BTAF1: variants seen among roughly 807,000 people sequenced by gnomAD.
The protein encoded by BTAF1 is TATA-binding protein-associated factor 172.
In BTAF1, 38 loss-of-function variants were observed where a neutral mutation model predicts 227.1. That is an observed-to-expected ratio of 0.17 (90% CI 0.13 to 0.22). The LOEUF is 0.22. Among genes scored for constraint, BTAF1 ranks in the 10% least tolerant of loss-of-function variants. BTAF1 has a pLI of 1.00. For missense variants in BTAF1, 1,598 were observed against 2,204.0 expected (o/e 0.73, Z 5.51); for synonymous variants, 742 against 751.9 (o/e 0.99, Z 0.21).
chr10:91,999,901 A>C (rs1849398240), intron 25 of BTAF1, among the ~76,000 whole-genome samples: 1 of 152,216 alleles, frequency 6.6e-6, no homozygotes, highest in Non-Finnish European at 1.5e-5. Flanking sequence ...ATAAAGAAAA[A>C]TAAAGAAATT....
intron 14 of BTAF1, among the ~76,000 whole-genome samples, chr10:91,967,674 C>A (rs1302706160): frequency 6.6e-6 from 1 of 152,146 alleles, no homozygotes; most frequent in African/African-American, 2.4e-5. Flanking sequence ...CTGAGAACAA[C>A]TGTCAGGTTT....
rs77637097 is a variant in BTAF1, at chr10:91,963,018, C to T, written c.1404+340C>T. On this transcript the variant is annotated intron_variant, in intron 12 of 37. Transcript: ENST00000265990. ...TGTTTTTTTAAATCTAGTCTCCCCT[C>T]CCCTCCCTGTCTCTCCTCTCCTCCT... 3.6e-3 allele frequency among the ~76,000 whole-genome samples: 547 copies of T among 151,924 alleles called. 5 individuals carry two copies. Among genetic ancestry groups the T allele is most frequent in the African/African-American group, 0.013 (520 of 41,482 alleles).
chr10:92,023,041 T>C (rs1589997901), intron 34 of BTAF1, among the ~76,000 whole-genome samples: 1 of 152,108 alleles, frequency 6.6e-6, no homozygotes, highest in African/African-American at 2.4e-5. Context: ...GTACCCAAAG[T>C]TTTTACTGGG....
chr10:92,016,610 G>A (rs1251448261), intron 33 of BTAF1, 145 bp downstream of exon 33: 7 of 599,490 alleles, frequency 1.2e-5, no homozygotes, highest in Non-Finnish European at 1.9e-5. Context: ...TGAGTAGCTG[G>A]GAGTAGAGGT....
intron 1 of BTAF1, among the ~76,000 whole-genome samples, chr10:91,927,939 G>A (rs150474047): frequency 1.4e-5 from 2 of 145,566 alleles, no homozygotes; most frequent in East Asian, 4.1e-4. Context: ...ACTATTTCCA[G>A]TGTTTTTCAG....
intron 1 of BTAF1, among the ~76,000 whole-genome samples, chr10:91,929,284 G>A (rs1399844211): frequency 6.6e-6 from 1 of 152,216 alleles, no homozygotes; most frequent in African/African-American, 2.4e-5. Flanking sequence ...ATCAGCTAGA[G>A]AAAGTTTCAG....
chr10:92,018,535 T>C (rs934645254), intron 33 of BTAF1, among the ~76,000 whole-genome samples: 1 of 152,212 alleles, frequency 6.6e-6, no homozygotes, highest in Non-Finnish European at 1.5e-5. Flanking sequence ...AAGCTCATTG[T>C]CTGGTGGGGG....
At position 91,984,062 on chromosome 10, in the gene BTAF1, A is replaced by G. The variant is rs1848238980; in HGVS notation, c.2224-139A>G. 3 of 729,184 alleles carry G rather than the reference A, an allele frequency of 4.1e-6. No individual in the cohort carries two copies. The East Asian group carries it at 8.3e-5, about 20-fold the overall frequency. 45.2% of individuals were successfully genotyped at this position (729,184 alleles called of 1,614,324 possible). A position where few individuals can be genotyped will look rare whatever the true frequency, so the allele number is the denominator to read the frequency against. On this transcript the variant is annotated intron_variant, in intron 18 of 37. Coordinates refer to ENST00000265990, the MANE Select transcript of BTAF1 (RefSeq NM_003972.3). ...TAATACCTTTTTTTCTGTGCAATTA[A>G]CTGTTGTTTGGAGAAGTAACAGAAT...
chr10:92,011,523 T>C (rs1324237282), intron 30 of BTAF1, 108 bp downstream of exon 30: 3 of 432,432 alleles, frequency 6.9e-6, no homozygotes, highest in African/African-American at 2.1e-5. Context: ...AGATTTTTTA[T>C]TGTTGTTATA....
At chr10:91,988,857 G>A (rs989406508) in intron 19 of BTAF1, among the ~76,000 whole-genome samples, 1 of 152,092 alleles carries the variant, frequency 6.6e-6, no homozygotes, top group African/African-American at 2.4e-5. Context: ...AGTATTCTGC[G>A]GGTGTTAAAT....
chr10:92,002,938 T>C (rs1266245396), intron 25 of BTAF1, among the ~76,000 whole-genome samples: 2 of 152,090 alleles, frequency 1.3e-5, no homozygotes, highest in African/African-American at 4.8e-5. Context: ...GGTGGGTGGA[T>C]CACGAGGTCA....
intron 14 of BTAF1, among the ~76,000 whole-genome samples, chr10:91,975,554 G>T (rs1196937595): frequency 6.6e-6 from 1 of 152,156 alleles, no homozygotes; most frequent in African/African-American, 2.4e-5. Flanking sequence ...TCACAATAGG[G>T]TTTCAGAGCA....
intron 20 of BTAF1, among the ~76,000 whole-genome samples, chr10:91,991,809 A>G (rs1189194908): frequency 9.5e-5 from 2 of 21,102 alleles, no homozygotes; most frequent in African/African-American, 7.3e-4. Context: ...ATATATATAT[A>G]TATATATATA....
chr10:92,022,241 G>T (rs977726972), intron 34 of BTAF1, among the ~76,000 whole-genome samples: 3 of 152,182 alleles, frequency 2.0e-5, no homozygotes, highest in Non-Finnish European at 4.4e-5. Flanking sequence ...AGAATGTCTG[G>T]TAAGTATGGT....
chr10:91,992,275 G>A lies in BTAF1; in HGVS notation c.3011G>A (p.Gly1004Glu). The A allele has an allele frequency of 6.2e-7, 1 of 1,611,974 alleles. No homozygotes were observed. The highest frequency in any genetic ancestry group is 8.5e-7 in the Non-Finnish European group (1 of 1,179,480). The part of the protein sequence containing the change: ...VKAQIADLPA[G>E]SSGNILVELD... ...GCTCAAATAGCAGATCTTCCTGCAG[G>A]AAGTAGTGGAAATATTCTTGTTGAA... is the stretch of plus-strand genomic sequence containing the variant. The change falls in exon 21 of 38, where the codon GGA becomes GAA. Residue 1004 changes from glycine (G) to glutamate (E), a missense_variant. Transcript: ENST00000265990.
chr10:91,938,001 A>G (rs1844749531), intron 2 of BTAF1, among the ~76,000 whole-genome samples: 1 of 152,202 alleles, frequency 6.6e-6, no homozygotes, highest in South Asian at 2.1e-4. Flanking sequence ...CATTTCCCTG[A>G]TGACTAATGA....
At chr10:91,996,653 A>G in intron 24 of BTAF1, 83 bp downstream of exon 24, 1 of 1,339,954 alleles carries the variant, frequency 7.5e-7, no homozygotes, top group Non-Finnish European at 1.0e-6. Context: ...ATGTGTTCTA[A>G]TATGCACATA....
At position 91,969,005 on chromosome 10, in the gene BTAF1, C is replaced by A. The variant is rs542556336; in HGVS notation, c.1650+2248C>A. ...CCTCCTGAGTAGCTGAGACTACAAG[C>A]ACGCACCACCATGTCTGGCTAATTA... On this transcript the variant is annotated intron_variant, in intron 14 of 37. Coordinates refer to ENST00000265990, the MANE Select transcript of BTAF1 (RefSeq NM_003972.3). Among the ~76,000 whole-genome samples, 28 of 151,014 alleles carry A rather than the reference C, an allele frequency of 1.9e-4. No individual in the cohort carries two copies. The East Asian group carries it at 5.4e-3, about 29-fold the overall frequency.
At position 92,014,060 on chromosome 10, in the gene BTAF1, G is replaced by T. The variant is rs11819183; in HGVS notation, c.4584+31G>T. 22,163 of 1,593,352 alleles carry T rather than the reference G, an allele frequency of 0.014. 2,662 individuals carry two copies. The African/African-American group carries it at 0.26, about 19-fold the overall frequency. The stretch of plus-strand genomic sequence containing the variant: ...GAATCTCGTGTTTATCATTGTTAGT[G>T]GTATGTTTATTAGCAGATTGTTTTG... On this transcript the variant is annotated intron_variant, in intron 32 of 37. Coordinates refer to ENST00000265990, the MANE Select transcript of BTAF1 (RefSeq NM_003972.3).
Sources: allele counts gnomAD v4.1 joint callset (sites outside exome capture counted in the v4.1 genomes callset), GRCh38; gene constraint gnomAD v4.1.1; transcripts MANE v1.5; gene names NCBI Gene and HGNC (gene_info 2026-07-23, HGNC 2026-07-21).